Variants in COA1 observed in about 807,000 individuals in gnomAD.
COA1 encodes cytochrome c oxidase assembly factor 1 homolog.
In COA1, 13 loss-of-function variants were observed where a neutral mutation model predicts 16.0. The observed-to-expected ratio is 0.81, with a 90% CI of 0.53 to 1.29. COA1 has a LOEUF of 1.29. Ranked by LOEUF, COA1 falls within the 50% of genes most tolerant of loss-of-function variation. The pLI, the probability that COA1 is intolerant of heterozygous loss-of-function variation, is 0.00. For missense variants in COA1, 179 were observed against 177.0 expected (o/e 1.01, Z -0.06); for synonymous variants, 65 against 65.7 (o/e 0.99, Z 0.05).
chr7:43,686,379 T>C (rs1413691262), intron 1 of COA1, among the ~76,000 whole-genome samples: 1 of 148,084 alleles, frequency 6.8e-6, no homozygotes, highest in Non-Finnish European at 1.5e-5. Flanking sequence ...CGATCTCCGC[T>C]CACTGCAAGC....
At chr7:43,676,737 T>C (rs979979427) in intron 1 of COA1, among the ~76,000 whole-genome samples, 1 of 152,140 alleles carries the variant, frequency 6.6e-6, no homozygotes, top group African/African-American at 2.4e-5. Context: ...CATTACACAT[T>C]GTACACATGT....
chr7:43,613,276 C>T (rs1453425338), intron 6 of COA1, among the ~76,000 whole-genome samples: 1 of 152,080 alleles, frequency 6.6e-6, no homozygotes, highest in Admixed American at 6.6e-5. Flanking sequence ...CTTGAATTGG[C>T]CCCCCACCAA....
intron 1 of COA1, among the ~76,000 whole-genome samples, chr7:43,691,091 A>G (rs2094266740): frequency 6.7e-6 from 1 of 149,222 alleles, no homozygotes. Flanking sequence ...AAAGAAAAGA[A>G]AATTGGCCAG....
At chr7:43,729,170 A>T (rs973524000) in intron 1 of COA1, among the ~76,000 whole-genome samples, 4 of 152,200 alleles carry the variant, frequency 2.6e-5, no homozygotes, top group Non-Finnish European at 5.9e-5. Context: ...GGTCAGCAAA[A>T]ACTGCAGGAC....
intron 1 of COA1, among the ~76,000 whole-genome samples, chr7:43,672,293 T>A (rs1479492489): frequency 6.6e-6 from 1 of 152,188 alleles, no homozygotes; most frequent in Non-Finnish European, 1.5e-5. Context: ...GCGAATCGAA[T>A]CTAGCAGCAC....
At chr7:43,612,234 T>C (rs1389678580) in intron 6 of COA1, among the ~76,000 whole-genome samples, 2 of 152,220 alleles carry the variant, frequency 1.3e-5, no homozygotes, top group South Asian at 2.1e-4. Flanking sequence ...GTTCTCAGCC[T>C]TCCTTCTGCC....
At chr7:43,710,648 A>C (rs2095214780) in intron 1 of COA1, among the ~76,000 whole-genome samples, 1 of 152,118 alleles carries the variant, frequency 6.6e-6, no homozygotes, top group Admixed American at 6.5e-5. Context: ...GACATAAACT[A>C]TCTCATTTTA....
At chr7:43,691,197 G>A (rs2094273079) in intron 1 of COA1, among the ~76,000 whole-genome samples, 1 of 148,182 alleles carries the variant, frequency 6.7e-6, no homozygotes, top group East Asian at 2.0e-4. Flanking sequence ...TGCAGTGAGC[G>A]ATAATCATGC....
At position 43,647,388 on chromosome 7, in the gene COA1, T is replaced by C. The variant is rs1176551770; in HGVS notation, c.115+147A>G. ...AGATTACAGGATACAGAGGAAGCTATAGCCAACGAAATGGTGGACTAGCCT... is the reference window on the plus strand; with the variant it reads ...AGATTACAGGATACAGAGGAAGCTACAGCCAACGAAATGGTGGACTAGCCT... On this transcript the variant is annotated intron_variant, in intron 3 of 5. Transcript: ENST00000223336. 1.0e-5 allele frequency: 7 copies of C among 669,888 alleles called. No homozygotes were observed. The East Asian group carries it at 1.1e-4, about 10-fold the overall frequency. 41.5% of individuals were successfully genotyped at this position (669,888 alleles called of 1,614,324 possible).
intron 1 of COA1, among the ~76,000 whole-genome samples, chr7:43,705,117 G>C (rs962800835): frequency 1.3e-5 from 2 of 152,178 alleles, no homozygotes; most frequent in South Asian, 4.1e-4. Context: ...TCCTTGTGGT[G>C]CTGGGACCAG....
intron 1 of COA1, among the ~76,000 whole-genome samples, chr7:43,728,700 T>C (rs2132449147): frequency 6.6e-6 from 1 of 152,310 alleles, no homozygotes; most frequent in African/African-American, 2.4e-5. Flanking sequence ...TGATATGCGT[T>C]TTAAACGTGC....
intron 3 of COA1, chr7:43,646,714 G>A (rs2089407087): frequency 4.6e-6 from 2 of 430,658 alleles, no homozygotes; most frequent in Non-Finnish European, 9.5e-6. Context: ...ATCATTCCTG[G>A]GAACGCTCAT....
At chr7:43,656,508 CA>C (rs2091725915) in intron 1 of COA1, among the ~76,000 whole-genome samples, 4 of 151,722 alleles carry the variant, frequency 2.6e-5, no homozygotes, top group Non-Finnish European at 5.9e-5. Flanking sequence ...CCATCCTGGC[CA>C]ACATGGTGAA....
At chr7:43,624,690 A>G in intron 6 of COA1, 1 of 1,614,130 alleles carries the variant, frequency 6.2e-7, no homozygotes, top group Non-Finnish European at 8.5e-7. Context: ...CAAGGAATCC[A>G]TTGTAACCGA....
At position 43,651,084 on chromosome 7, in the gene COA1, T is replaced by C. The variant is rs527383285; in HGVS notation, c.-38-2432A>G. 8.9e-4 allele frequency among the ~76,000 whole-genome samples: 135 copies of C among 152,204 alleles called. 1 individual carries two copies. Among genetic ancestry groups the C allele is most frequent in the African/African-American group, 3.1e-3 (128 of 41,536 alleles). The stretch of plus-strand genomic sequence containing the variant: ...CCCCGACCTCACAAAAAAACAAATA[T>C]TCAAAAAGGCACTGTAGAGGAATAG... On this transcript the variant is annotated intron_variant, in intron 1 of 5. Coordinates refer to ENST00000223336, the MANE Select transcript of COA1 (RefSeq NM_018224.4).
At chr7:43,680,522 C>T (rs545617854) in intron 1 of COA1, among the ~76,000 whole-genome samples, 1 of 152,344 alleles carries the variant, frequency 6.6e-6, no homozygotes, top group East Asian at 1.9e-4. Context: ...ACTTCTATAT[C>T]ATTAGAGTAG....
At chr7:43,638,565 CCTTTTTT>C (rs777192974), downstream of COA1, among the ~76,000 whole-genome samples, 64 of 125,234 alleles carry the variant, frequency 5.1e-4, no homozygotes, top group Admixed American at 1.2e-3. Flanking sequence ...CTTTTTCTTT[CCTTTTTT>C]TTTTTTTTTT....
At chr7:43,704,830 C>A (rs1478790006) in intron 1 of COA1, among the ~76,000 whole-genome samples, 1 of 152,084 alleles carries the variant, frequency 6.6e-6, no homozygotes, top group Non-Finnish European at 1.5e-5. Flanking sequence ...CGGTTAAGAA[C>A]CATTGCTGGG....
chr7:43,715,992 A>T (rs546362245), intron 1 of COA1, among the ~76,000 whole-genome samples: 1 of 152,214 alleles, frequency 6.6e-6, no homozygotes, highest in African/African-American at 2.4e-5. Context: ...CATGTAAGAT[A>T]GGACTTGCTC....
Sources: gnomAD v4.1 joint callset for allele counts (sites outside exome capture counted in the v4.1 genomes callset) on GRCh38, gnomAD v4.1.1 for gene constraint, MANE v1.5 for transcripts, NCBI Gene and HGNC (gene_info 2026-07-23, HGNC 2026-07-21) for gene names.